The following SMARCAL1 variants were observed in gnomAD, a reference collection of about 807,000 sequenced individuals.
SMARCAL1 encodes the protein ATP-driven annealing helicase.
Under a neutral mutation model 94.5 loss-of-function variants are expected in SMARCAL1, and 58 were observed. The observed-to-expected ratio is 0.61, with a 90% CI of 0.50 to 0.76. The LOEUF (loss-of-function observed/expected upper bound fraction) is 0.76. Ranked by LOEUF, SMARCAL1 falls within the 30% of genes least tolerant of loss-of-function variation. The pLI is 0.00. For synonymous variants in SMARCAL1, 422 were observed against 455.1 expected, an observed-to-expected ratio of 0.93 and a Z score of 0.93; for missense variants, 1,051 against 1,177.9, an observed-to-expected ratio of 0.89 and a Z score of 1.58.
At chr2:216,457,202 A>C (rs1224401466) in intron 12 of SMARCAL1, among the ~76,000 whole-genome samples, 2 of 152,168 alleles carry the variant, frequency 1.3e-5, no homozygotes, top group Non-Finnish European at 2.9e-5. Flanking sequence ...GTCCTTAGAG[A>C]CCTACAAAGA....
intron 15 of SMARCAL1, among the ~76,000 whole-genome samples, 181 bp from the exon 16 acceptor site, chr2:216,476,928 A>C (rs1366177398): frequency 6.6e-6 from 1 of 152,204 alleles, no homozygotes; most frequent in Non-Finnish European, 1.5e-5. Context: ...TTAAAGTGGC[A>C]GGTCATTTGT....
At chr2:216,417,199 T>C (rs552629559) in intron 4 of SMARCAL1, among the ~76,000 whole-genome samples, 1 of 152,358 alleles carries the variant, frequency 6.6e-6, no homozygotes, top group Non-Finnish European at 1.5e-5. Context: ...GGGCCAGTGA[T>C]GGGACAGCTC....
At chr2:216,461,886 G>T (rs193014686) in intron 12 of SMARCAL1, among the ~76,000 whole-genome samples, 6 of 152,060 alleles carry the variant, frequency 3.9e-5, no homozygotes, top group Non-Finnish European at 1.5e-5. Context: ...TTCTCACACG[G>T]CTATAATTTT....
intron 14 of SMARCAL1, among the ~76,000 whole-genome samples, chr2:216,473,498 A>G (rs78081971): frequency 2.6e-3 from 391 of 152,090 alleles, no homozygotes; most frequent in Non-Finnish European, 4.7e-3. Context: ...TTTAGGAAAA[A>G]TTTGAGACCC....
At chr2:216,468,155 A>C in intron 14 of SMARCAL1, 109 bp downstream of exon 14, 1 of 747,792 alleles carries the variant, frequency 1.3e-6, no homozygotes, top group South Asian at 1.4e-5. Flanking sequence ...TTCCGGAAGC[A>C]TTGCTGAAGA....
At chr2:216,462,994 A>G (rs1401958233) in intron 12 of SMARCAL1, among the ~76,000 whole-genome samples, 1 of 151,928 alleles carries the variant, frequency 6.6e-6, no homozygotes, top group African/African-American at 2.4e-5. Context: ...AACAAAAACA[A>G]CCCCAAAGCC....
At chr2:216,470,620 T>A (rs1169658348) in intron 14 of SMARCAL1, among the ~76,000 whole-genome samples, 1 of 151,814 alleles carries the variant, frequency 6.6e-6, no homozygotes, top group Non-Finnish European at 1.5e-5. Flanking sequence ...TCCCAGTAGC[T>A]GGGACCTCAG....
chr2:216,428,122 C>T (rs1370786897), intron 6 of SMARCAL1, among the ~76,000 whole-genome samples: 1 of 152,084 alleles, frequency 6.6e-6, no homozygotes, highest in Non-Finnish European at 1.5e-5. Context: ...GAAGAACATC[C>T]TGAAAGTGAT....
intron 7 of SMARCAL1, among the ~76,000 whole-genome samples, chr2:216,431,989 C>T (rs1455048851): frequency 6.6e-6 from 1 of 152,154 alleles, no homozygotes; most frequent in Non-Finnish European, 1.5e-5. Context: ...GCCTTCTTTT[C>T]ACCCTACCAG....
At chr2:216,447,771 A>G (rs1694352436) in intron 11 of SMARCAL1, among the ~76,000 whole-genome samples, 1 of 152,244 alleles carries the variant, frequency 6.6e-6, no homozygotes, top group Admixed American at 6.5e-5. Context: ...CAGGCACCTC[A>G]GGACCTACAG....
chr2:216,451,342 C>A, intron 12 of SMARCAL1: 1 of 454,070 alleles, frequency 2.2e-6, no homozygotes, highest in South Asian at 2.1e-5. Context: ...GATCAATATT[C>A]CGAATCCCTC....
intron 4 of SMARCAL1, among the ~76,000 whole-genome samples, chr2:216,418,795 A>G (rs1458239912): frequency 6.6e-6 from 1 of 152,242 alleles, no homozygotes; most frequent in Non-Finnish European, 1.5e-5. Flanking sequence ...ATACTCCAGC[A>G]TAAAGCATAT....
intron 12 of SMARCAL1, among the ~76,000 whole-genome samples, chr2:216,457,094 G>A (rs1474033495): frequency 6.6e-6 from 1 of 150,884 alleles, no homozygotes; most frequent in African/African-American, 2.5e-5. Flanking sequence ...AAGAGACAAG[G>A]CCGTTACATA....
At chr2:216,430,319 A>G (rs531046502) in intron 7 of SMARCAL1, among the ~76,000 whole-genome samples, 1 of 152,354 alleles carries the variant, frequency 6.6e-6, no homozygotes, top group Non-Finnish European at 1.5e-5. Flanking sequence ...CAAGAACTAC[A>G]ATTGAACACA....
chr2:216,448,748 C>T (rs1451956656), intron 11 of SMARCAL1, among the ~76,000 whole-genome samples: 2 of 152,046 alleles, frequency 1.3e-5, no homozygotes, highest in African/African-American at 4.8e-5. Context: ...ACGAGAATCG[C>T]TTCAACCCAG....
intron 5 of SMARCAL1, among the ~76,000 whole-genome samples, chr2:216,421,030 A>G (rs558400103): frequency 1.3e-5 from 2 of 152,280 alleles, no homozygotes; most frequent in South Asian, 4.1e-4. Context: ...GTTTCTCACA[A>G]GTTCCCTGAG....
Position 216,455,057 on chromosome 2 carries a change from C to T in SMARCAL1, c.2070+3993C>T, listed in dbSNP as rs181787315. Among the ~76,000 whole-genome samples the T allele has an allele frequency of 1.5e-3, 228 of 152,330 alleles. 4 individuals carry two copies. Among genetic ancestry groups the T allele is most frequent in the Admixed American group, 0.013 (202 of 15,308 alleles). ...AACTGCACACCAGGAGATTGTATCCCGTGCCTGGCTCGCATGGTCCCACGC... is the reference window on the plus strand; with the variant it reads ...AACTGCACACCAGGAGATTGTATCCTGTGCCTGGCTCGCATGGTCCCACGC... On this transcript the variant is annotated intron_variant, in intron 12 of 17. Coordinates refer to ENST00000357276, the MANE Select transcript of SMARCAL1 (RefSeq NM_014140.4).
intron 12 of SMARCAL1, among the ~76,000 whole-genome samples, chr2:216,452,051 G>T (rs934155144): frequency 1.1e-4 from 17 of 152,324 alleles, no homozygotes; most frequent in African/African-American, 3.4e-4. Context: ...TGACAGGATA[G>T]AGGATGCACT....
At chr2:216,478,379 G>C in intron 17 of SMARCAL1, 80 bp downstream of exon 17, 1 of 1,101,154 alleles carries the variant, frequency 9.1e-7, no homozygotes, top group Non-Finnish European at 1.4e-6. Flanking sequence ...GTCCTGAGTA[G>C]GAGGATGTGA....
Sources: gnomAD v4.1 joint callset for allele counts (sites outside exome capture counted in the v4.1 genomes callset) on GRCh38, gnomAD v4.1.1 for gene constraint, MANE v1.5 for transcripts, NCBI Gene and HGNC (gene_info 2026-07-23, HGNC 2026-07-21) for gene names.